The following LRP2 variants were observed in gnomAD, a reference collection of about 807,000 sequenced individuals.
LRP2 encodes LDL receptor related protein 2.
LRP2 carries 172 observed loss-of-function variants against 531.0 expected under a neutral mutation model. That is an observed-to-expected ratio of 0.32 (90% CI 0.29 to 0.37). LRP2 has a LOEUF of 0.37. LRP2 is among the 10% of genes least tolerant of loss of function. The probability of loss-of-function intolerance (pLI) is 1.00; values close to 1 mark genes in which losing one functional copy is unlikely to be tolerated. For synonymous variants in LRP2, 1,992 were observed against 2,027.6 expected (o/e 0.98, Z 0.47); for missense variants, 5,167 against 5,868.3 (o/e 0.88, Z 3.90).
chr2:169,183,645 A>G (rs781483157), intron 50 of LRP2, among the ~76,000 whole-genome samples: 3 of 152,220 alleles, frequency 2.0e-5, no homozygotes, highest in Non-Finnish European at 4.4e-5. Context: ...TTTATTCCAC[A>G]GTCAAAAGAC....
chr2:169,213,301 G>A (rs1274465815), intron 36 of LRP2, among the ~76,000 whole-genome samples: 2 of 152,114 alleles, frequency 1.3e-5, no homozygotes, highest in African/African-American at 2.4e-5. Context: ...GTATTGAGCA[G>A]CAAACAAGAC....
At chr2:169,280,240 C>A (rs960688984) in intron 11 of LRP2, 110 bp downstream of exon 11, 15 of 1,159,662 alleles carry the variant, frequency 1.3e-5, no homozygotes, top group Admixed American at 2.0e-5. Flanking sequence ...ATCTCAAGGG[C>A]CTTTTTTGTT....
At chr2:169,279,294 T>C (rs1683636454) in intron 12 of LRP2, 78 bp downstream of exon 12, 1 of 1,038,648 alleles carries the variant, frequency 9.6e-7, no homozygotes, top group African/African-American at 1.6e-5. Flanking sequence ...CTTTGATTAA[T>C]CCAGTAGATG....
chr2:169,255,997 A>T, intron 19 of LRP2, 109 bp downstream of exon 19: 1 of 1,208,750 alleles, frequency 8.3e-7, no homozygotes, highest in Non-Finnish European at 1.2e-6. Context: ...TTTTCATTTT[A>T]AAGTGGCCAG....
intron 76 of LRP2, among the ~76,000 whole-genome samples, chr2:169,134,956 A>T (rs11892075): frequency 6.6e-5 from 10 of 152,018 alleles, no homozygotes; most frequent in East Asian, 1.9e-4. Flanking sequence ...TGTCCCTCAC[A>T]GTCAGTTTTT....
At chr2:169,291,070 C>T (rs944355170) in intron 7 of LRP2, 73 bp from the exon 8 acceptor site, 1 of 1,399,548 alleles carries the variant, frequency 7.1e-7, no homozygotes. Context: ...CAGTGGTTTA[C>T]AGAGGATGTA....
At chr2:169,162,403 G>A in intron 63 of LRP2, 69 bp downstream of exon 63, 3 of 1,556,178 alleles carry the variant, frequency 1.9e-6, no homozygotes, top group Non-Finnish European at 2.7e-6. Context: ...TCTACATTAT[G>A]TTATTGCATG....
intron 33 of LRP2, among the ~76,000 whole-genome samples, chr2:169,221,021 G>A (rs1306043816): frequency 1.3e-5 from 2 of 152,126 alleles, no homozygotes; most frequent in Non-Finnish European, 2.9e-5. Flanking sequence ...AATTTACTCA[G>A]AGGTACAGTG....
intron 62 of LRP2, among the ~76,000 whole-genome samples, chr2:169,163,667 A>G (rs1363889367): frequency 6.6e-6 from 1 of 152,178 alleles, no homozygotes; most frequent in Non-Finnish European, 1.5e-5. Flanking sequence ...TGTTTCTGAG[A>G]GAAAGATATA....
At chr2:169,301,614 G>A (rs1009940663) in intron 4 of LRP2, among the ~76,000 whole-genome samples, 4 of 151,998 alleles carry the variant, frequency 2.6e-5, no homozygotes, top group African/African-American at 9.7e-5. Context: ...AAGACCAAAC[G>A]CAATAAGAAT....
Position 169,237,305 on chromosome 2 carries a change from T to C in LRP2, c.4507-18A>G. On this transcript the variant is annotated intron_variant, in intron 27 of 78. Coordinates refer to ENST00000649046, the MANE Select transcript of LRP2 (RefSeq NM_004525.3). ...TCAAATACCTAAAGACAAAAGTGAA[T>C]AAAGAGTGAATTCTAGAGCAAATAA... The C allele has an allele frequency of 1.3e-6, 2 of 1,575,496 alleles. No homozygotes were observed. Among genetic ancestry groups the C allele is most frequent in the Non-Finnish European group, 1.7e-6 (2 of 1,145,536 alleles).
intron 1 of LRP2, among the ~76,000 whole-genome samples, chr2:169,336,112 A>G (rs1248918894): frequency 1.3e-5 from 2 of 152,162 alleles, no homozygotes; most frequent in African/African-American, 4.8e-5. Context: ...CAAAAATATT[A>G]TTTGACTAAA....
intron 16 of LRP2, among the ~76,000 whole-genome samples, chr2:169,266,599 G>A (rs573781259): frequency 6.6e-6 from 1 of 152,172 alleles, no homozygotes; most frequent in East Asian, 1.9e-4. Context: ...TACAAAGCTA[G>A]GAAATGTGGG....
At chr2:169,247,557 T>C (rs753960880) in intron 19 of LRP2, 42 bp from the exon 20 acceptor site, 16 of 1,608,046 alleles carry the variant, frequency 9.9e-6, no homozygotes, top group Non-Finnish European at 1.3e-5. Flanking sequence ...CAGTCACAGC[T>C]AACTTATAAA....
In LRP2 at chr2:169,226,432, A is replaced by G. The variant is rs764432018; in HGVS notation, c.5384T>C (p.Val1795Ala). 6 of 1,613,272 alleles carry G rather than the reference A, an allele frequency of 3.7e-6. No homozygotes were observed. The highest frequency in any genetic ancestry group is 2.5e-6 in the Non-Finnish European group (3 of 1,179,410). Reference protein sequence around the residue: ...FDDAEQYIYWVENPGEIHRVK... With the variant: ...FDDAEQYIYWAENPGEIHRVK... ...TTATTCAAAACTTACTGGATTTTCA[A>G]CCCAATAGATGTATTGCTCAGCATC... is the stretch of plus-strand genomic sequence containing the variant. Residue 1795 changes from valine (V) to alanine (A), a missense_variant, in exon 32 of 79, where the codon GTT becomes GCT. Val to Ala is a moderately conservative substitution (Grantham distance 64, BLOSUM62 0). Transcript: ENST00000649046.
intron 9 of LRP2, among the ~76,000 whole-genome samples, chr2:169,286,286 T>C (rs1411644198): frequency 6.6e-6 from 1 of 152,210 alleles, no homozygotes; most frequent in African/African-American, 2.4e-5. Context: ...CTTTTGAGAT[T>C]ATCTCCAAAT....
chr2:169,323,513 T>G (rs1684959487), intron 1 of LRP2, among the ~76,000 whole-genome samples: 1 of 152,154 alleles, frequency 6.6e-6, no homozygotes, highest in Non-Finnish European at 1.5e-5. Flanking sequence ...CTTACTTCAA[T>G]TAGTCTATAT....
intron 10 of LRP2, among the ~76,000 whole-genome samples, chr2:169,282,417 A>C (rs1683729293): frequency 6.6e-6 from 1 of 152,360 alleles, no homozygotes; most frequent in South Asian, 2.1e-4. Context: ...GAGTTAGTGC[A>C]TTCAAAAAAT....
rs1228784624 is a variant in LRP2 at position 169,154,562 on chromosome 2, G to A, written c.12193C>T (p.Arg4065Ter). 2.5e-6 allele frequency: 4 copies of A among 1,613,370 alleles called. No individual in the cohort carries two copies. The highest frequency in any genetic ancestry group is 3.4e-6 in the Non-Finnish European group (4 of 1,179,548). The change falls in exon 66 of 79, where the codon CGA becomes TGA. Residue 4065 changes from arginine (R) to a stop codon, truncating the protein, a stop_gained. Transcript: ENST00000649046. LOFTEE classifies it high-confidence loss of function. ...LLLLPDNVRIRKYNLSSERFS... is the reference protein window; with the variant it reads ...LLLLPDNVRI The stretch of plus-strand genomic sequence containing the variant: ...CTCTCAGATGAGAGATTATATTTTC[G>A]AATTCGGACATTGTCAGGCAGTAGC...
Sources: gnomAD v4.1 joint callset for allele counts (sites outside exome capture counted in the v4.1 genomes callset) on GRCh38, gnomAD v4.1.1 for gene constraint, MANE v1.5 for transcripts, NCBI Gene and HGNC (gene_info 2026-07-23, HGNC 2026-07-21) for gene names.